Variants in CDH4 observed in about 807,000 individuals in gnomAD.
CDH4 encodes the protein cadherin 4.
CDH4 carries 33 observed loss-of-function variants against 86.0 expected under a neutral mutation model. That is an observed-to-expected ratio of 0.38 (90% confidence interval 0.29 to 0.51). The LOEUF (loss-of-function observed/expected upper bound fraction) is 0.51. CDH4 is among the 20% of genes least tolerant of loss of function. CDH4 has a pLI of 0.86. For synonymous variants in CDH4, 555 were observed against 549.4 expected (o/e 1.01, Z -0.14); for missense variants, 1,114 against 1,307.4 (o/e 0.85, Z 2.28).
chr20:61,624,998 G>A (rs968370149), intron 2 of CDH4, among the ~76,000 whole-genome samples: 1 of 152,162 alleles, frequency 6.6e-6, no homozygotes, highest in Non-Finnish European at 1.5e-5. Flanking sequence ...AATTATAATC[G>A]CAGACACATT....
intron 4 of CDH4, among the ~76,000 whole-genome samples, chr20:61,791,076 C>CT (rs55880139): frequency 0.25 from 38,284 of 152,196 alleles, 5,633 homozygotes; most frequent in East Asian, 0.37. Flanking sequence ...TTTCAAAACG[C>CT]TTAAGGCCTT....
At chr20:61,380,162 G>C (rs1276856664) in intron 2 of CDH4, among the ~76,000 whole-genome samples, 1 of 152,122 alleles carries the variant, frequency 6.6e-6, no homozygotes, top group African/African-American at 2.4e-5. Flanking sequence ...GAGACTGCTC[G>C]ATGCTTCAAA....
chr20:61,924,598 CAG>C (rs1308056804), intron 11 of CDH4, 122 bp downstream of exon 11: 8 of 1,095,954 alleles, frequency 7.3e-6, no homozygotes, highest in Non-Finnish European at 7.7e-6. Flanking sequence ...GAGGGTCACC[CAG>C]AGGGGCTGAG....
At chr20:61,776,634 C>A (rs1251180663) in intron 4 of CDH4, among the ~76,000 whole-genome samples, 1 of 152,194 alleles carries the variant, frequency 6.6e-6, no homozygotes, top group Non-Finnish European at 1.5e-5. Flanking sequence ...GAGGTGGGTG[C>A]GTGTTAGGGC....
intron 2 of CDH4, among the ~76,000 whole-genome samples, chr20:61,627,988 C>T (rs1176184629): frequency 6.6e-6 from 1 of 152,164 alleles, no homozygotes; most frequent in Non-Finnish European, 1.5e-5. Context: ...GCCCTACCTC[C>T]TCACACAGCA....
At chr20:61,341,745 C>T in intron 2 of CDH4, among the ~76,000 whole-genome samples, 1 of 152,036 alleles carries the variant, frequency 6.6e-6, no homozygotes, top group Non-Finnish European at 1.5e-5. Context: ...CTCATGAGCC[C>T]ATCTGTTTGT....
intron 4 of CDH4, 75 bp downstream of exon 4, chr20:61,773,257 C>T (rs2088799503): frequency 2.9e-6 from 4 of 1,393,898 alleles, no homozygotes; most frequent in Non-Finnish European, 3.8e-6. Context: ...ATCCCAAAGC[C>T]AGGGGCGGGT....
chr20:61,780,796 G>C (rs975732384), intron 4 of CDH4, among the ~76,000 whole-genome samples: 1 of 152,238 alleles, frequency 6.6e-6, no homozygotes, highest in Non-Finnish European at 1.5e-5. Flanking sequence ...CGTGTGTGCA[G>C]GTGGCTTCCC....
At chr20:61,628,377 A>G (rs1315033747) in intron 2 of CDH4, among the ~76,000 whole-genome samples, 1 of 151,728 alleles carries the variant, frequency 6.6e-6, no homozygotes, top group African/African-American at 2.4e-5. Context: ...AAGCGACTTC[A>G]GGGATCACCT....
chr20:61,774,401 C>T (rs1450866565), intron 4 of CDH4, among the ~76,000 whole-genome samples: 1 of 152,252 alleles, frequency 6.6e-6, no homozygotes, highest in Non-Finnish European at 1.5e-5. Flanking sequence ...ATGCCAATGG[C>T]AGTGCCGTGG....
chr20:61,837,541 T>G (rs1981936232), intron 4 of CDH4, among the ~76,000 whole-genome samples: 2 of 152,158 alleles, frequency 1.3e-5, no homozygotes, highest in African/African-American at 2.4e-5. Context: ...CTCTGAGATT[T>G]TTTTCAATGG....
intron 2 of CDH4, among the ~76,000 whole-genome samples, chr20:61,490,784 C>T (rs890957484): frequency 6.6e-6 from 1 of 152,092 alleles, no homozygotes; most frequent in Non-Finnish European, 1.5e-5. Flanking sequence ...AGGCCCTGCT[C>T]ACAGCACACG....
chr20:61,388,869 A>C (rs913560590), intron 2 of CDH4, among the ~76,000 whole-genome samples: 1 of 152,260 alleles, frequency 6.6e-6, no homozygotes, highest in Non-Finnish European at 1.5e-5. Flanking sequence ...TTGTGTGAGC[A>C]TAATATACTA....
At position 61,928,371 on chromosome 20, in the gene CDH4, G is replaced by A; in HGVS notation, c.1953G>A (p.Leu651=). 2 of 1,611,924 alleles carry A rather than the reference G, an allele frequency of 1.2e-6. No homozygotes were observed. Among genetic ancestry groups the A allele is most frequent in the Non-Finnish European group, 1.7e-6 (2 of 1,179,992 alleles). The part of the protein sequence containing the change: ...DPNIGPYVFE[L]PFVPAAVRKN... ...ACATCGGCCCCTACGTCTTCGAGCT[G>A]CCCTTTGTCCCGGCGGCCGTGCGGA... is the stretch of plus-strand genomic sequence containing the variant. Residue 651 remains leucine (L), a synonymous_variant, in exon 12 of 16, where the codon CTG becomes CTA. Transcript: ENST00000614565.
At chr20:61,266,130 G>A (rs1346021825) in intron 2 of CDH4, among the ~76,000 whole-genome samples, 1 of 152,134 alleles carries the variant, frequency 6.6e-6, no homozygotes, top group Non-Finnish European at 1.5e-5. Context: ...AGTGCCGCCC[G>A]CACCTTGCTA....
At chr20:61,343,142 C>T (rs2084657839) in intron 2 of CDH4, among the ~76,000 whole-genome samples, 1 of 152,230 alleles carries the variant, frequency 6.6e-6, no homozygotes, top group Admixed American at 6.5e-5. Flanking sequence ...GGAGGATGCT[C>T]ATTCGTGCTG....
At chr20:61,322,501 G>A (rs1189191314) in intron 2 of CDH4, among the ~76,000 whole-genome samples, 1 of 152,148 alleles carries the variant, frequency 6.6e-6, no homozygotes, top group Admixed American at 6.5e-5. Flanking sequence ...TCCCTTTACA[G>A]CCCAGGATGA....
intron 2 of CDH4, among the ~76,000 whole-genome samples, chr20:61,413,449 G>A (rs1204151580): frequency 6.6e-6 from 1 of 152,154 alleles, no homozygotes; most frequent in East Asian, 1.9e-4. Flanking sequence ...CCACTGCCTA[G>A]CTGGTGACCT....
At chr20:61,253,739 G>C (rs983765115) in intron 1 of CDH4, among the ~76,000 whole-genome samples, 1 of 152,170 alleles carries the variant, frequency 6.6e-6, no homozygotes, top group African/African-American at 2.4e-5. Context: ...GGGGGTAGAG[G>C]GGCGCCCTCC....
Sources: gnomAD v4.1 joint callset for allele counts (sites outside exome capture counted in the v4.1 genomes callset) on GRCh38, gnomAD v4.1.1 for gene constraint, MANE v1.5 for transcripts, NCBI Gene and HGNC (gene_info 2026-07-23, HGNC 2026-07-21) for gene names.